KCTD7: variants seen among roughly 807,000 people sequenced by gnomAD.
The protein encoded by KCTD7 is BTB/POZ domain-containing protein KCTD7.
In KCTD7, 15 loss-of-function variants were observed where a neutral mutation model predicts 27.0. The ratio of observed to expected loss-of-function variants is 0.56; its 90% CI spans 0.37 to 0.86. The LOEUF (loss-of-function observed/expected upper bound fraction) is 0.86, where lower values mean the gene tolerates loss of function less well. KCTD7 is among the 40% of genes least tolerant of loss of function. The pLI, the probability that KCTD7 is intolerant of heterozygous loss-of-function variation, is 0.00. For synonymous variants in KCTD7, 159 were observed against 162.7 expected (o/e 0.98, Z 0.17); for missense variants, 299 against 398.9 (o/e 0.75, Z 2.13).
intron 1 of KCTD7, among the ~76,000 whole-genome samples, chr7:66,632,327 A>AAAATATATAT (rs1428928068): frequency 6.6e-6 from 1 of 151,866 alleles, no homozygotes; most frequent in Non-Finnish European, 1.5e-5. Context: ...CTCTACTAAA[A>AAAATATATAT]ATACAAAAAA....
chr7:66,638,634 A>AT, intron 3 of KCTD7: 2 of 772,302 alleles, frequency 2.6e-6, no homozygotes, highest in Admixed American at 5.3e-5. Context: ...AGCAAATTGT[A>AT]TTTCAGAAGG....
chr7:66,633,495 G>T (rs3764903), intron 2 of KCTD7, 51 bp downstream of exon 2: 2 of 1,567,532 alleles, frequency 1.3e-6, no homozygotes, highest in Non-Finnish European at 1.8e-6. Context: ...GGTGATTAGC[G>T]TAGGCTTGAG....
chr7:66,634,784 C>CT (rs1403867807), intron 2 of KCTD7, among the ~76,000 whole-genome samples: 8 of 148,660 alleles, frequency 5.4e-5, no homozygotes, highest in Admixed American at 6.7e-5. Flanking sequence ...CAAGGAAAGT[C>CT]TTTAAAAAAA....
At position 66,642,359 on chromosome 7, in the gene KCTD7, T is replaced by C; in HGVS notation, c.*3127T>C. The C allele has an allele frequency of 1.0e-6, 1 of 985,470 alleles. No individual in the cohort carries two copies. Among genetic ancestry groups the C allele is most frequent in the Non-Finnish European group, 1.2e-6 (1 of 829,942 alleles). 61.0% of individuals were successfully genotyped at this position (985,470 alleles called of 1,614,324 possible). ...TGTTCTTCTTTCCTGGGGCTTAGGA[T>C]ATTCTGGGAGCTGTCTGAGCCTTGT... On this transcript the variant is annotated 3_prime_UTR_variant, in exon 4 of 4. Transcript: ENST00000639828.
In KCTD7 at chr7:66,638,192, TGTGTGGCACTGCCCAGGAGCATAA is replaced by T. The variant is rs1786629631; in HGVS notation, c.315-59_315-36del. ...GTTTTAGATTTTGTCCAATGCACAC[TGTGTGGCACTGCCCAGGAGCATAA>T]GCTCCTTGTCACCGACCCTCTTTCC... On this transcript the variant is annotated intron_variant, in intron 2 of 3. Transcript: ENST00000639828. The T allele has an allele frequency of 5.7e-6, 9 of 1,571,566 alleles. No individual in the cohort carries two copies. In the East Asian group the frequency reaches 2.0e-4, roughly 35 times the overall value.
Position 66,639,853 on chromosome 7 carries a change from A to G in KCTD7, c.*621A>G, listed in dbSNP as rs1786673416. 2 of 1,247,568 alleles carry G rather than the reference A, an allele frequency of 1.6e-6. No individual in the cohort carries two copies. Among genetic ancestry groups the G allele is most frequent in the South Asian group, 7.7e-5 (2 of 26,058 alleles). 77.3% of individuals were successfully genotyped at this position (1,247,568 alleles called of 1,614,324 possible). On this transcript the variant is annotated 3_prime_UTR_variant, in exon 4 of 4. Coordinates refer to ENST00000639828, the MANE Select transcript of KCTD7 (RefSeq NM_153033.5). Reference sequence around the variant, plus strand: ...TTCACCACCTTTTGGAGATTTAACCATAGCTGCCAAAGCTATGCACCCAGT... The same window carrying G: ...TTCACCACCTTTTGGAGATTTAACCGTAGCTGCCAAAGCTATGCACCCAGT...
intron 2 of KCTD7, among the ~76,000 whole-genome samples, chr7:66,634,720 T>C (rs1408076538): frequency 6.6e-6 from 1 of 150,630 alleles, no homozygotes; most frequent in Admixed American, 6.6e-5. Flanking sequence ...TTTCAGTAGT[T>C]TAAAGGAATA....
intron 2 of KCTD7, among the ~76,000 whole-genome samples, chr7:66,634,590 T>A (rs58026597): frequency 0.01 from 1,594 of 152,216 alleles, 24 homozygotes; most frequent in African/African-American, 0.036. Flanking sequence ...GAGGAATAAG[T>A]GTAATCCCAC....
intron 2 of KCTD7, among the ~76,000 whole-genome samples, chr7:66,636,866 A>G (rs1177506562): frequency 6.6e-6 from 1 of 152,234 alleles, no homozygotes; most frequent in Non-Finnish European, 1.5e-5. Flanking sequence ...CAGCCCTGAA[A>G]CCAGTTTGTT....
At chr7:66,632,818 T>C (rs563802941) in intron 1 of KCTD7, among the ~76,000 whole-genome samples, 1 of 151,436 alleles carries the variant, frequency 6.6e-6, no homozygotes, top group African/African-American at 2.4e-5. Flanking sequence ...CCGAGGCAGG[T>C]GGATCATGAG....
rs1786685304 is a variant in KCTD7, at chr7:66,640,261, T to TA, written c.*1030dup. 6.7e-7 allele frequency: 1 copy of TA among 1,494,874 alleles called. No individual in the cohort carries two copies. The highest frequency in any genetic ancestry group is 8.9e-7 in the Non-Finnish European group (1 of 1,127,296). 92.6% of individuals were successfully genotyped at this position (1,494,874 alleles called of 1,614,324 possible). ...GGCTGGGTGAGACACACAGCTATCC[T>TA]AGGAGCCGTAGGAAGACAAAACTTC... On this transcript the variant is annotated 3_prime_UTR_variant, in exon 4 of 4. Coordinates refer to ENST00000639828, the MANE Select transcript of KCTD7 (RefSeq NM_153033.5).
intron 1 of KCTD7, among the ~76,000 whole-genome samples, chr7:66,630,008 A>C (rs1183143724): frequency 6.6e-6 from 1 of 152,198 alleles, no homozygotes; most frequent in African/African-American, 2.4e-5. Flanking sequence ...ATGGTGGCTC[A>C]CATCTGTAAT....
In KCTD7 at chr7:66,642,069, G is replaced by C; in HGVS notation, c.*2837G>C. 1.0e-6 allele frequency: 1 copy of C among 985,422 alleles called. No homozygotes were observed. Among genetic ancestry groups the C allele is most frequent in the South Asian group, 4.7e-5 (1 of 21,282 alleles). 61.0% of individuals were successfully genotyped at this position (985,422 alleles called of 1,614,324 possible). A position where few individuals can be genotyped will look rare whatever the true frequency, so the allele number is the denominator to read the frequency against. Reference sequence around the variant, plus strand: ...GTAGTTATCAGTGAGTCAAAGCAAAGTGAAAGTTTCAGGAGATGGGACCAA... The same window carrying C: ...GTAGTTATCAGTGAGTCAAAGCAAACTGAAAGTTTCAGGAGATGGGACCAA... On this transcript the variant is annotated 3_prime_UTR_variant, in exon 4 of 4. Transcript: ENST00000639828.
At position 66,642,070 on chromosome 7, in the gene KCTD7, T is replaced by G. The variant is rs1455403626; in HGVS notation, c.*2838T>G. 4 of 985,210 alleles carry G rather than the reference T, an allele frequency of 4.1e-6. No individual in the cohort carries two copies. The African/African-American group carries it at 7.0e-5, about 17-fold the overall frequency. 61.0% of individuals were successfully genotyped at this position (985,210 alleles called of 1,614,324 possible). A position where few individuals can be genotyped will look rare whatever the true frequency, so the allele number is the denominator to read the frequency against. On this transcript the variant is annotated 3_prime_UTR_variant, in exon 4 of 4. Transcript: ENST00000639828. ...TAGTTATCAGTGAGTCAAAGCAAAG[T>G]GAAAGTTTCAGGAGATGGGACCAAT...
At position 66,628,972 on chromosome 7, in the gene KCTD7, C is replaced by T; in HGVS notation, c.-93C>T. ...CCCCTCCGGCCAGCCCGCAGCCGGC[C>T]GCGTCATGCCAGGCGCTGCTCGGCG... On this transcript the variant is annotated 5_prime_UTR_variant, in exon 1 of 4. Coordinates refer to ENST00000639828, the MANE Select transcript of KCTD7 (RefSeq NM_153033.5). 3 of 1,311,730 alleles carry T rather than the reference C, an allele frequency of 2.3e-6. No individual in the cohort carries two copies. Among genetic ancestry groups the T allele is most frequent in the Non-Finnish European group, 3.0e-6 (3 of 995,066 alleles). 81.3% of individuals were successfully genotyped at this position (1,311,730 alleles called of 1,614,324 possible).
At chr7:66,634,946 T>A (rs1786552246) in intron 2 of KCTD7, among the ~76,000 whole-genome samples, 1 of 151,164 alleles carries the variant, frequency 6.6e-6, no homozygotes, top group African/African-American at 2.4e-5. Flanking sequence ...AGCTCAGGAG[T>A]TGGAGTCTGC....
chr7:66,641,895 A>G lies in KCTD7; in HGVS notation c.*2663A>G. ...TAAATGGCCAGGCCCAGAACAGAAG[A>G]AGGGTTGGGTCTGGAAGGAAGGCTC... On this transcript the variant is annotated 3_prime_UTR_variant, in exon 4 of 4. Transcript: ENST00000639828. 1 of 985,388 alleles carries G rather than the reference A, an allele frequency of 1.0e-6. No homozygotes were observed. The allele number at this position is 985,388 out of a possible 1,614,324, so 61.0% of individuals were successfully genotyped here.
chr7:66,631,474 C>T (rs1786439872), intron 1 of KCTD7, among the ~76,000 whole-genome samples: 1 of 151,054 alleles, frequency 6.6e-6, no homozygotes, highest in African/African-American at 2.4e-5. Flanking sequence ...GAGGCTGGGG[C>T]AGCAGAATCT....
Position 66,643,021 on chromosome 7 carries a change from C to A in KCTD7, c.*3789C>A. 1.0e-6 allele frequency: 1 copy of A among 985,412 alleles called. No individual in the cohort carries two copies. Among genetic ancestry groups the A allele is most frequent in the Non-Finnish European group, 1.2e-6 (1 of 829,944 alleles). 61.0% of individuals were successfully genotyped at this position (985,412 alleles called of 1,614,324 possible). A position where few individuals can be genotyped will look rare whatever the true frequency, so the allele number is the denominator to read the frequency against. ...TGGTGTATTGAGCCTCAGTACACTCCAAGGGCATTAAAGTCAAGAACTAGA... is the reference window on the plus strand; with the variant it reads ...TGGTGTATTGAGCCTCAGTACACTCAAAGGGCATTAAAGTCAAGAACTAGA... On this transcript the variant is annotated 3_prime_UTR_variant, in exon 4 of 4. Coordinates refer to ENST00000639828, the MANE Select transcript of KCTD7 (RefSeq NM_153033.5).
Sources: allele counts gnomAD v4.1 joint callset (sites outside exome capture counted in the v4.1 genomes callset), GRCh38; gene constraint gnomAD v4.1.1; transcripts MANE v1.5; gene names NCBI Gene and HGNC (gene_info 2026-07-23, HGNC 2026-07-21).